Variants in CDK13 observed in about 807,000 individuals in gnomAD.
CDK13 encodes the protein cyclin dependent kinase 13, also known as cyclin-dependent kinase 13.
CDK13 carries 40 observed loss-of-function variants against 137.6 expected under a neutral mutation model. The observed-to-expected ratio is 0.29, with a 90% CI of 0.23 to 0.38. The LOEUF (loss-of-function observed/expected upper bound fraction) is 0.38, where lower values mean the gene tolerates loss of function less well. Ranked by LOEUF, CDK13 falls within the 10% of genes least tolerant of loss-of-function variation. The pLI is 1.00. For synonymous variants in CDK13, 869 were observed against 760.1 expected (o/e 1.14, Z -2.36); for missense variants, 1,704 against 1,951.8 (o/e 0.87, Z 2.39).
Position 40,098,238 on chromosome 7 carries a change from T to A in CDK13, c.*3258T>A, listed in dbSNP as rs1787084034. On this transcript the variant is annotated 3_prime_UTR_variant, in exon 14 of 14. Transcript: ENST00000181839. Reference sequence around the variant, plus strand: ...TGCAATGGCCTATTTGTAAGAAATATCAAGACTTCTTGAGAAAAATGAAAA... The same window carrying A: ...TGCAATGGCCTATTTGTAAGAAATAACAAGACTTCTTGAGAAAAATGAAAA... 1 of 152,136 alleles carries A rather than the reference T, an allele frequency of 6.6e-6. No individual in the cohort carries two copies. The highest frequency in any genetic ancestry group is 1.5e-5 in the Non-Finnish European group (1 of 67,980). 9.4% of individuals were successfully genotyped at this position (152,136 alleles called of 1,614,324 possible).
chr7:39,950,317 G>A lies in CDK13; in HGVS notation c.-325G>A. 1 of 1,121,730 alleles carries A rather than the reference G, an allele frequency of 8.9e-7. No homozygotes were observed. The highest frequency in any genetic ancestry group is 1.1e-6 in the Non-Finnish European group (1 of 917,928). 69.5% of individuals were successfully genotyped at this position (1,121,730 alleles called of 1,614,324 possible). On this transcript the variant is annotated 5_prime_UTR_variant, in exon 1 of 14. Transcript: ENST00000181839. ...CAAGGCCGCTCCCCCACCCCCGGGGGCACTTGGAGGACTCGGGACTCCCCC... is the reference window on the plus strand; with the variant it reads ...CAAGGCCGCTCCCCCACCCCCGGGGACACTTGGAGGACTCGGGACTCCCCC...
At chr7:39,977,928 GATC>G (rs1784144236) in intron 1 of CDK13, among the ~76,000 whole-genome samples, 1 of 152,178 alleles carries the variant, frequency 6.6e-6, no homozygotes, top group African/African-American at 2.4e-5. Context: ...AGATAAAAGA[GATC>G]ATGTGGAATG....
intron 11 of CDK13, among the ~76,000 whole-genome samples, chr7:40,087,086 A>T (rs887656061): frequency 1.3e-5 from 2 of 151,990 alleles, no homozygotes; most frequent in African/African-American, 4.8e-5. Context: ...TACAGGCATG[A>T]GCTGCTGCGC....
chr7:40,003,210 T>C (rs62456096), intron 5 of CDK13, among the ~76,000 whole-genome samples: 2 of 75,316 alleles, frequency 2.7e-5, no homozygotes, highest in Non-Finnish European at 6.5e-5. Context: ...ACACACACTC[T>C]CTCTCTCTCT....
intron 2 of CDK13, among the ~76,000 whole-genome samples, chr7:39,989,447 G>A (rs1784412447): frequency 1.3e-5 from 2 of 151,494 alleles, no homozygotes; most frequent in Admixed American, 6.6e-5. Flanking sequence ...AAAATGCCAT[G>A]TGGACAAGTG....
Position 40,034,904 on chromosome 7 carries a change from G to T in CDK13, c.2354-10932G>T, listed in dbSNP as rs149444362. Reference sequence around the variant, plus strand: ...TATTAACATTATAATTTCCTCTCTGGATTCTTTATTTGTGGACATTGACAT... The same window carrying T: ...TATTAACATTATAATTTCCTCTCTGTATTCTTTATTTGTGGACATTGACAT... On this transcript the variant is annotated intron_variant, in intron 5 of 13. Transcript: ENST00000181839. Among the ~76,000 whole-genome samples, 750 of 152,166 alleles carry T rather than the reference G, an allele frequency of 4.9e-3. 6 individuals are homozygous for T. Among genetic ancestry groups the T allele is most frequent in the Non-Finnish European group, 7.6e-3 (520 of 67,988 alleles).
chr7:40,089,756 AGGT>A (rs1397820930), intron 12 of CDK13, among the ~76,000 whole-genome samples: 1 of 123,802 alleles, frequency 8.1e-6, no homozygotes, highest in Non-Finnish European at 1.8e-5. Flanking sequence ...GTGTGTGTGT[AGGT>A]GGTGGCTTAT....
intron 9 of CDK13, among the ~76,000 whole-genome samples, chr7:40,075,407 G>A (rs1242205855): frequency 2.6e-5 from 4 of 151,236 alleles, no homozygotes; most frequent in Middle Eastern, 3.5e-3. Flanking sequence ...AGATAAATTC[G>A]GTACTCAGAT....
intron 5 of CDK13, 23 bp downstream of exon 5, chr7:40,002,054 C>A (rs202079430): frequency 3.9e-6 from 6 of 1,529,258 alleles, no homozygotes; most frequent in Admixed American, 4.5e-5. Context: ...ATTTAAATAA[C>A]GAATTTTTTG....
rs1046382415 is a variant in CDK13 at position 40,099,081 on chromosome 7, CAAAA to C, written c.*4105_*4108del. On this transcript the variant is annotated 3_prime_UTR_variant, in exon 14 of 14. Coordinates refer to ENST00000181839, the MANE Select transcript of CDK13 (RefSeq NM_003718.5). ...TTTGGAACTTTAAAAAAAAAAACAA[CAAAA>C]AAATACTTTCAGGGTTTTGTAATTT... 1 of 150,476 alleles carries C rather than the reference CAAAA, an allele frequency of 6.6e-6. No individual in the cohort carries two copies. Among genetic ancestry groups the C allele is most frequent in the Non-Finnish European group, 1.5e-5 (1 of 67,548 alleles). 9.3% of individuals were successfully genotyped at this position (150,476 alleles called of 1,614,324 possible).
intron 12 of CDK13, among the ~76,000 whole-genome samples, chr7:40,092,044 A>G (rs983526971): frequency 2.0e-5 from 3 of 152,160 alleles, no homozygotes; most frequent in Non-Finnish European, 2.9e-5. Flanking sequence ...ATGAGTTAAT[A>G]CTATCATATG....
At chr7:40,056,898 G>A (rs1786031642) in intron 7 of CDK13, among the ~76,000 whole-genome samples, 1 of 152,248 alleles carries the variant, frequency 6.6e-6, no homozygotes, top group East Asian at 1.9e-4. Context: ...TTGTAACAAA[G>A]AGAACCACAA....
rs1394335698 is a variant in CDK13, at chr7:40,096,226, A to C, written c.*1246A>C. On this transcript the variant is annotated 3_prime_UTR_variant, in exon 14 of 14. Transcript: ENST00000181839. ...TAACTAGAAACATTGCTTAGATTGA[A>C]TTTATTGAAGCAAAAAGAAAAGGCA... The C allele has an allele frequency of 3.9e-5, 6 of 152,170 alleles. No homozygotes were observed. Among genetic ancestry groups the C allele is most frequent in the Non-Finnish European group, 5.9e-5 (4 of 68,030 alleles). 9.4% of individuals were successfully genotyped at this position (152,170 alleles called of 1,614,324 possible).
intron 12 of CDK13, among the ~76,000 whole-genome samples, chr7:40,091,606 A>C (rs1786925553): frequency 6.6e-6 from 1 of 152,204 alleles, no homozygotes; most frequent in South Asian, 2.1e-4. Flanking sequence ...ATGCTGAAAT[A>C]AGAAAACGCC....
intron 5 of CDK13, among the ~76,000 whole-genome samples, chr7:40,030,342 C>A (rs572076130): frequency 6.7e-6 from 1 of 150,012 alleles, no homozygotes; most frequent in Non-Finnish European, 1.5e-5. Flanking sequence ...CTGAGAGTGA[C>A]ACAAAAATAA....
rs1468049800 is a variant in CDK13 at position 39,950,383 on chromosome 7, G to A, written c.-259G>A. On this transcript the variant is annotated 5_prime_UTR_variant, in exon 1 of 14. Transcript: ENST00000181839. ...GCGCATCTGGTGTTTTCGCTGCCGA[G>A]GATAGGACGACGAGCGCAATCGGGA... The A allele has an allele frequency of 8.2e-7, 1 of 1,221,958 alleles. No individual in the cohort carries two copies. Among genetic ancestry groups the A allele is most frequent in the Non-Finnish European group, 1.0e-6 (1 of 981,722 alleles). The allele number at this position is 1,221,958 out of a possible 1,614,324, so 75.7% of individuals were successfully genotyped here.
At chr7:40,003,831 T>C (rs1410330853) in intron 5 of CDK13, among the ~76,000 whole-genome samples, 3 of 152,180 alleles carry the variant, frequency 2.0e-5, no homozygotes, top group Non-Finnish European at 4.4e-5. Flanking sequence ...CATGCACGCA[T>C]GCACAATTTG....
At chr7:40,093,978 T>G in intron 13 of CDK13, 152 bp from the exon 14 acceptor site, 1 of 781,236 alleles carries the variant, frequency 1.3e-6, no homozygotes, top group Non-Finnish European at 2.0e-6. Flanking sequence ...GTTACCATAG[T>G]ACTTGTAAAC....
intron 5 of CDK13, among the ~76,000 whole-genome samples, chr7:40,021,049 C>T (rs1785105947): frequency 1.3e-5 from 2 of 150,920 alleles, no homozygotes; most frequent in Non-Finnish European, 1.5e-5. Context: ...TGAGATTGCG[C>T]CACTGCACTC....
Sources: allele counts gnomAD v4.1 joint callset (sites outside exome capture counted in the v4.1 genomes callset), GRCh38; gene constraint gnomAD v4.1.1; transcripts MANE v1.5; gene names NCBI Gene and HGNC (gene_info 2026-07-23, HGNC 2026-07-21).